The following PDE1A variants were observed in gnomAD, a reference collection of about 807,000 sequenced individuals.
PDE1A encodes the protein phosphodiesterase 1A.
Under a neutral mutation model 61.7 loss-of-function variants are expected in PDE1A, and 35 were observed. The ratio of observed to expected loss-of-function variants is 0.57; its 90% CI spans 0.43 to 0.75. The LOEUF (loss-of-function observed/expected upper bound fraction) is 0.75. PDE1A is among the 30% of genes least tolerant of loss of function. The pLI is 0.00. For synonymous variants in PDE1A, 232 were observed against 213.2 expected, an observed-to-expected ratio of 1.09 and a Z score of -0.77; for missense variants, 597 against 630.6, an observed-to-expected ratio of 0.95 and a Z score of 0.57.
At chr2:182,554,815 T>C in the PDE1A span, among the ~76,000 whole-genome samples, 2 of 152,180 alleles carry the variant, frequency 1.3e-5, no homozygotes, top group East Asian at 3.8e-4. Flanking sequence ...ATTCTGCCAG[T>C]TCATAGAAAA....
chr2:182,694,801 T>C, the PDE1A span, among the ~76,000 whole-genome samples: 5 of 133,572 alleles, frequency 3.7e-5, no homozygotes, highest in African/African-American at 1.3e-4. Flanking sequence ...AGACTGTTGA[T>C]ATTACATAGA....
intron 13 of PDE1A, among the ~76,000 whole-genome samples, chr2:182,149,639 CTTGG>C (rs1441447349): frequency 2.0e-5 from 3 of 152,118 alleles, no homozygotes; most frequent in African/African-American, 7.2e-5. Flanking sequence ...TTACAATTAA[CTTGG>C]GCAGTACTGC....
the PDE1A span, among the ~76,000 whole-genome samples, chr2:182,676,676 T>C: frequency 6.6e-6 from 1 of 152,054 alleles, no homozygotes; most frequent in Non-Finnish European, 1.5e-5. Flanking sequence ...TAAAATACTT[T>C]CCAGCCGAAT....
the PDE1A span, among the ~76,000 whole-genome samples, chr2:182,650,542 C>T: frequency 6.6e-6 from 1 of 152,134 alleles, no homozygotes; most frequent in African/African-American, 2.4e-5. Flanking sequence ...CTACTTGAAT[C>T]AAAACACTTT....
chr2:182,327,885 G>A (rs1352596232), intron 1 of PDE1A, among the ~76,000 whole-genome samples: 2 of 152,224 alleles, frequency 1.3e-5, no homozygotes, highest in Non-Finnish European at 2.9e-5. Context: ...TAAACCAATA[G>A]GACAAACTGA....
the PDE1A span, among the ~76,000 whole-genome samples, chr2:182,589,661 C>T: frequency 6.6e-6 from 1 of 152,350 alleles, no homozygotes; most frequent in South Asian, 2.1e-4. Flanking sequence ...GAAACGAGTA[C>T]ATCAGGCTAA....
chr2:182,694,231 A>T, the PDE1A span, among the ~76,000 whole-genome samples: 2 of 152,344 alleles, frequency 1.3e-5, no homozygotes, highest in Non-Finnish European at 2.9e-5. Flanking sequence ...TGTTGAAAAC[A>T]CTTCTTTCCC....
intron 13 of PDE1A, among the ~76,000 whole-genome samples, chr2:182,154,385 C>T (rs1214420107): frequency 1.3e-5 from 2 of 152,224 alleles, no homozygotes; most frequent in African/African-American, 4.8e-5. Context: ...ATATACGTGT[C>T]AAATAAACAT....
At chr2:182,218,512 T>G (rs1688435481) in intron 7 of PDE1A, among the ~76,000 whole-genome samples, 1 of 152,132 alleles carries the variant, frequency 6.6e-6, no homozygotes, top group Non-Finnish European at 1.5e-5. Context: ...AACTTATTTA[T>G]CCCATCTAAC....
chr2:182,167,248 T>C (rs186743061), downstream of PDE1A, among the ~76,000 whole-genome samples: 7 of 152,168 alleles, frequency 4.6e-5, no homozygotes, highest in Admixed American at 3.9e-4. Context: ...TGCAGACCCT[T>C]CCTAACTGAT....
At chr2:182,681,684 T>A in the PDE1A span, among the ~76,000 whole-genome samples, 2 of 152,118 alleles carry the variant, frequency 1.3e-5, no homozygotes, top group Non-Finnish European at 2.9e-5. Flanking sequence ...AGATGGAGTC[T>A]CGCTCTGTCA....
At chr2:182,302,030 G>T (rs1319696602) in intron 1 of PDE1A, among the ~76,000 whole-genome samples, 2 of 152,180 alleles carry the variant, frequency 1.3e-5, no homozygotes, top group African/African-American at 4.8e-5. Context: ...GTTTTTAAAA[G>T]AAATTGTAAT....
chr2:182,361,063 A>G (rs573328909), intron 1 of PDE1A, among the ~76,000 whole-genome samples: 1 of 152,148 alleles, frequency 6.6e-6, no homozygotes, highest in African/African-American at 2.4e-5. Context: ...CACTGCAATC[A>G]CCATTACACA....
At chr2:182,360,874 G>C (rs1019131294) in intron 1 of PDE1A, among the ~76,000 whole-genome samples, 8 of 151,956 alleles carry the variant, frequency 5.3e-5, no homozygotes, top group Non-Finnish European at 1.2e-4. Flanking sequence ...GGGTCCTCAA[G>C]TTACAAGTTA....
chr2:182,479,678 C>T (rs184376200), intron 2 of PDE1A, among the ~76,000 whole-genome samples: 1 of 151,756 alleles, frequency 6.6e-6, no homozygotes, highest in Non-Finnish European at 1.5e-5. Context: ...ATATATATAG[C>T]ATTTCAGTCT....
chr2:182,275,754 T>C (rs1003787740), intron 1 of PDE1A, among the ~76,000 whole-genome samples: 3 of 152,120 alleles, frequency 2.0e-5, no homozygotes, highest in Non-Finnish European at 2.9e-5. Flanking sequence ...AGACATCAAC[T>C]AGATTTGCTT....
downstream of PDE1A, among the ~76,000 whole-genome samples, chr2:182,163,124 G>C (rs531894249): frequency 6.6e-6 from 1 of 152,276 alleles, no homozygotes; most frequent in Non-Finnish European, 1.5e-5. Context: ...AAGACAGATG[G>C]ATCCTGGAGA....
chr2:182,569,254 A>AATATATATATATATATATATATATATAT, the PDE1A span, among the ~76,000 whole-genome samples: 374 of 138,248 alleles, frequency 2.7e-3, 2 homozygotes, highest in African/African-American at 4.4e-3. Flanking sequence ...ACCTGTCTCA[A>AATATATATATATATATATATATATATAT]ATATATATAT....
At chr2:182,587,213 T>C in the PDE1A span, among the ~76,000 whole-genome samples, 3 of 152,298 alleles carry the variant, frequency 2.0e-5, no homozygotes, top group African/African-American at 4.8e-5. Context: ...ATTAAGGAGT[T>C]TGACTTTATT....
Sources: allele counts gnomAD v4.1 joint callset (sites outside exome capture counted in the v4.1 genomes callset), GRCh38; gene constraint gnomAD v4.1.1; transcripts MANE v1.5; gene names NCBI Gene and HGNC (gene_info 2026-07-23, HGNC 2026-07-21).